The following PIEZO2 variants were observed in gnomAD, a reference collection of about 807,000 sequenced individuals.
PIEZO2 encodes the protein piezo type mechanosensitive ion channel component 2, also known as piezo-type mechanosensitive ion channel component 2.
PIEZO2 carries 172 observed loss-of-function variants against 337.3 expected under a neutral mutation model. The ratio of observed to expected loss-of-function variants is 0.51; its 90% CI spans 0.45 to 0.58. The LOEUF (loss-of-function observed/expected upper bound fraction) is 0.58, where lower values mean the gene tolerates loss of function less well. Ranked by LOEUF, PIEZO2 falls within the 20% of genes least tolerant of loss-of-function variation. The pLI, the probability that PIEZO2 is intolerant of heterozygous loss-of-function variation, is 0.00. For missense variants in PIEZO2, 3,028 were observed against 3,391.3 expected (o/e 0.89, Z 2.66); for synonymous variants, 1,251 against 1,228.5 (o/e 1.02, Z -0.38).
At chr18:11,058,618 T>A (rs562795072) in intron 2 of PIEZO2, among the ~76,000 whole-genome samples, 1 of 152,160 alleles carries the variant, frequency 6.6e-6, no homozygotes, top group African/African-American at 2.4e-5. Context: ...AGGAGAACTA[T>A]GTGATGAATG....
chr18:10,714,086 T>C (rs2035919645), intron 39 of PIEZO2, among the ~76,000 whole-genome samples: 1 of 152,196 alleles, frequency 6.6e-6, no homozygotes, highest in Non-Finnish European at 1.5e-5. Context: ...ACATCCTAGC[T>C]GTGTGACTTT....
Position 10,951,035 on chromosome 18 carries a change from C to A in PIEZO2, c.286+28500G>T, listed in dbSNP as rs114636826. ...AGCTGGGGGAAAAAAACACTCAGGG[C>A]ACACAACATTGCTCCAAAAATGTAA... On this transcript the variant is annotated intron_variant, in intron 3 of 55. Coordinates refer to ENST00000674853, the MANE Select transcript of PIEZO2 (RefSeq NM_001378183.1). 1.9e-3 allele frequency among the ~76,000 whole-genome samples: 295 copies of A among 152,252 alleles called. 3 individuals are homozygous for A. The highest frequency in any genetic ancestry group is 6.6e-3 in the African/African-American group (273 of 41,540).
chr18:10,770,690 TTTTC>T (rs1366829904), intron 20 of PIEZO2, among the ~76,000 whole-genome samples: 2 of 152,014 alleles, frequency 1.3e-5, no homozygotes, highest in Non-Finnish European at 2.9e-5. Context: ...CATTATTTAC[TTTTC>T]TTTCTTTCTT....
rs1246528365 is a variant in PIEZO2, at chr18:11,116,496, G to T, written c.64+32029C>A. ...TGGGAGGCCGAGCTGGGCGGATCAC[G>T]ATGTCAGGAGACAGAGACCATCCTG... On this transcript the variant is annotated intron_variant, in intron 1 of 55. Transcript: ENST00000674853. The surrounding 1 kb of genome is among the most constrained non-coding windows in gnomAD (Gnocchi z 5.0). Among the ~76,000 whole-genome samples, 2 of 150,462 alleles carry T rather than the reference G, an allele frequency of 1.3e-5. No homozygotes were observed. Among genetic ancestry groups the T allele is most frequent in the Admixed American group, 6.6e-5 (1 of 15,096 alleles).
At chr18:11,106,247 C>A (rs567882491) in intron 1 of PIEZO2, among the ~76,000 whole-genome samples, 14 of 150,752 alleles carry the variant, frequency 9.3e-5, no homozygotes, top group Admixed American at 2.0e-4. Context: ...CCACCACGCC[C>A]AGCTAATTTT....
chr18:10,695,199 C>T (rs777874845), intron 47 of PIEZO2, among the ~76,000 whole-genome samples: 1 of 152,210 alleles, frequency 6.6e-6, no homozygotes, highest in Non-Finnish European at 1.5e-5. Flanking sequence ...GTCATAAACA[C>T]TGTTTTGCCT....
intron 37 of PIEZO2, 60 bp downstream of exon 37, chr18:10,718,140 G>A (rs1381124441): frequency 5.7e-6 from 8 of 1,393,346 alleles, no homozygotes; most frequent in African/African-American, 4.3e-5. Context: ...CATTATATAC[G>A]ATCTGGGCAG....
At chr18:11,141,199 C>T (rs565187349) in intron 1 of PIEZO2, among the ~76,000 whole-genome samples, 3 of 152,240 alleles carry the variant, frequency 2.0e-5, no homozygotes, top group South Asian at 4.1e-4. Context: ...AACTGGCTGA[C>T]GGGGCCTTCT....
intron 3 of PIEZO2, among the ~76,000 whole-genome samples, chr18:10,923,332 G>A (rs1040161473): frequency 6.6e-6 from 1 of 152,124 alleles, no homozygotes; most frequent in African/African-American, 2.4e-5. Flanking sequence ...AAAATCTCTA[G>A]GCAAATTACT....
In PIEZO2 at chr18:10,759,509, C is replaced by T. The variant is rs73946020; in HGVS notation, c.3730G>A (p.Val1244Met). 2,205 of 1,537,112 alleles carry T rather than the reference C, an allele frequency of 1.4e-3. 17 individuals carry two copies. The African/African-American group carries it at 0.018, about 13-fold the overall frequency. Reference sequence around the variant, plus strand: ...ACGAGAAACACAGGGTTGGGCCGCACAATGAAATCTGGGAAGTACAGCCAC... The same window carrying T: ...ACGAGAAACACAGGGTTGGGCCGCATAATGAAATCTGGGAAGTACAGCCAC... ...IKWLYFPDFI[V>M]RPNPVFLVYD... is the part of the protein sequence containing the mutation. Residue 1244 changes from valine (V) to methionine (M), a missense_variant, in exon 26 of 56, where the codon GTG becomes ATG. Transcript: ENST00000674853. This position sits in a 1 kb window ranked among gnomAD's most constrained non-coding sequence, Gnocchi z 5.5.
chr18:10,704,845 C>T (rs1473074945), intron 41 of PIEZO2, among the ~76,000 whole-genome samples, 193 bp from the exon 42 acceptor site: 1 of 152,072 alleles, frequency 6.6e-6, no homozygotes, highest in East Asian at 1.9e-4. Context: ...CCACCACACC[C>T]AGCTAATTTT....
At position 11,028,771 on chromosome 18, in the gene PIEZO2, G is replaced by A. The variant is rs1025137234; in HGVS notation, c.160+37356C>T. Among the ~76,000 whole-genome samples the A allele has an allele frequency of 2.0e-5, 3 of 152,174 alleles. No individual in the cohort carries two copies. Among genetic ancestry groups the A allele is most frequent in the Non-Finnish European group, 4.4e-5 (3 of 68,034 alleles). ...AATAATACATGGCCAGCCAGCGTTGGCCATGGTGCTGTGCAGCTCATCAGG... is the reference window on the plus strand; with the variant it reads ...AATAATACATGGCCAGCCAGCGTTGACCATGGTGCTGTGCAGCTCATCAGG... On this transcript the variant is annotated intron_variant, in intron 2 of 55. Coordinates refer to ENST00000674853, the MANE Select transcript of PIEZO2 (RefSeq NM_001378183.1). The surrounding 1 kb of genome is among the most constrained non-coding windows in gnomAD (Gnocchi z 4.8).
At chr18:11,019,093 T>A (rs2036224258) in intron 2 of PIEZO2, among the ~76,000 whole-genome samples, 1 of 152,092 alleles carries the variant, frequency 6.6e-6, no homozygotes, top group Non-Finnish European at 1.5e-5. Context: ...TTACATCCAA[T>A]CCAGCCCTTC....
chr18:11,147,243 T>C (rs1456208132), intron 1 of PIEZO2, among the ~76,000 whole-genome samples: 5 of 152,022 alleles, frequency 3.3e-5, no homozygotes, highest in Non-Finnish European at 5.9e-5. Flanking sequence ...AACTGCAAAG[T>C]AGAGAACGAG....
chr18:10,763,120 T>C (rs1413267479), intron 21 of PIEZO2, 22 bp from the exon 22 acceptor site: 1 of 1,533,340 alleles, frequency 6.5e-7, no homozygotes, highest in South Asian at 1.2e-5. Flanking sequence ...AAACCAGAAA[T>C]GGGGACAAAA....
At chr18:11,059,204 G>C (rs531290215) in intron 2 of PIEZO2, among the ~76,000 whole-genome samples, 1 of 147,612 alleles carries the variant, frequency 6.8e-6, no homozygotes, top group Non-Finnish European at 1.5e-5. Flanking sequence ...ACAAGCAAAT[G>C]CTGAGAGATT....
intron 52 of PIEZO2, among the ~76,000 whole-genome samples, chr18:10,679,685 G>A (rs1022448080): frequency 2.6e-5 from 4 of 152,154 alleles, no homozygotes; most frequent in Non-Finnish European, 4.4e-5. Flanking sequence ...CCTTTTCCAT[G>A]GAAGATTATG....
At chr18:10,782,706 G>A (rs1433478334) in intron 17 of PIEZO2, among the ~76,000 whole-genome samples, 2 of 151,244 alleles carry the variant, frequency 1.3e-5, no homozygotes, top group African/African-American at 4.9e-5. Context: ...GACTCATATC[G>A]GTACAGATCA....
chr18:10,810,478 G>C (rs937869290), intron 7 of PIEZO2, among the ~76,000 whole-genome samples: 2 of 152,034 alleles, frequency 1.3e-5, no homozygotes, highest in African/African-American at 4.8e-5. Flanking sequence ...AGTTTCCTTG[G>C]GGAAGCTCAT....
Sources: gnomAD v4.1 joint callset for allele counts (sites outside exome capture counted in the v4.1 genomes callset) on GRCh38, gnomAD v4.1.1 for gene constraint, Gnocchi (gnomAD v3.1) non-coding constraint, MANE v1.5 for transcripts, NCBI Gene and HGNC (gene_info 2026-07-23, HGNC 2026-07-21) for gene names.